Variants in CNTNAP2 observed in about 807,000 individuals in gnomAD.
CNTNAP2 encodes the protein contactin associated protein 2.
Under a neutral mutation model 155.2 loss-of-function variants are expected in CNTNAP2, and 98 were observed. That is an observed-to-expected ratio of 0.63 (90% CI 0.54 to 0.75). The LOEUF is 0.75. Among genes scored for constraint, CNTNAP2 ranks in the 30% least tolerant of loss-of-function variants. CNTNAP2 has a pLI of 0.00. For missense variants in CNTNAP2, 1,727 were observed against 1,688.1 expected (o/e 1.02, Z -0.40); for synonymous variants, 651 against 631.2 (o/e 1.03, Z -0.47).
At chr7:146,568,216 G>T (rs1798387767) in intron 1 of CNTNAP2, among the ~76,000 whole-genome samples, 1 of 152,128 alleles carries the variant, frequency 6.6e-6, no homozygotes, top group African/African-American at 2.4e-5. Flanking sequence ...ATGAAAGGCT[G>T]AAACCACACT....
At chr7:146,469,812 G>T (rs187033211) in intron 1 of CNTNAP2, among the ~76,000 whole-genome samples, 20 of 150,484 alleles carry the variant, frequency 1.3e-4, no homozygotes, top group Non-Finnish European at 2.2e-4. Flanking sequence ...TTACAGGCGT[G>T]AGCCACCAAC....
intron 1 of CNTNAP2, among the ~76,000 whole-genome samples, chr7:146,547,592 T>C (rs1798047651): frequency 6.6e-6 from 1 of 151,996 alleles, no homozygotes; most frequent in Non-Finnish European, 1.5e-5. Context: ...TGTCTTTCTG[T>C]GACTGGCTTA....
At chr7:146,994,870 CTCTT>C (rs1798278069) in intron 3 of CNTNAP2, among the ~76,000 whole-genome samples, 1 of 143,144 alleles carries the variant, frequency 7.0e-6, no homozygotes, top group South Asian at 2.3e-4. Flanking sequence ...AATATCAACT[CTCTT>C]TGTGTTTTTT....
rs1300930240 is a variant in CNTNAP2 at position 146,121,072 on chromosome 7, TCTAGACAAAAAC to T, written c.97+4100_97+4111del. The stretch of plus-strand genomic sequence containing the variant: ...TCACTGTTCCTTATTAGTAAATTCT[TCTAGACAAAAAC>T]TTACTCAAATGTCTTAAAGTTTACA... On this transcript the variant is annotated intron_variant, in intron 1 of 23. Coordinates refer to ENST00000361727, the MANE Select transcript of CNTNAP2 (RefSeq NM_014141.6). Among the ~76,000 whole-genome samples, 159 of 151,078 alleles carry T rather than the reference TCTAGACAAAAAC, an allele frequency of 1.1e-3. 2 individuals are homozygous for T. The highest frequency in any genetic ancestry group is 3.5e-3 in the Middle Eastern group (1 of 284).
intron 8 of CNTNAP2, among the ~76,000 whole-genome samples, chr7:147,201,721 G>A (rs1384586079): frequency 6.6e-6 from 1 of 152,166 alleles, no homozygotes; most frequent in African/African-American, 2.4e-5. Context: ...GATAGGGGCA[G>A]GGTGATAGAA....
intron 10 of CNTNAP2, among the ~76,000 whole-genome samples, chr7:147,405,406 G>A (rs1796988653): frequency 6.6e-6 from 1 of 152,070 alleles, no homozygotes; most frequent in African/African-American, 2.4e-5. Context: ...TCATTTAACT[G>A]CTCTCCCCTA....
chr7:146,460,871 A>G (rs559494144), intron 1 of CNTNAP2, among the ~76,000 whole-genome samples: 43 of 152,344 alleles, frequency 2.8e-4, no homozygotes, highest in African/African-American at 1.0e-3. Context: ...TTTCAGTTAC[A>G]TAAGATAAGT....
chr7:146,172,405 C>T (rs1798408071), intron 1 of CNTNAP2, among the ~76,000 whole-genome samples: 1 of 152,012 alleles, frequency 6.6e-6, no homozygotes, highest in African/African-American at 2.4e-5. Flanking sequence ...TCAATAGTAC[C>T]AAGGTTGAGA....
At chr7:148,289,977 T>C (rs144902751) in intron 21 of CNTNAP2, among the ~76,000 whole-genome samples, 2 of 152,288 alleles carry the variant, frequency 1.3e-5, no homozygotes, top group Admixed American at 1.3e-4. Context: ...TTAATAATAA[T>C]GGAAATTCAG....
intron 15 of CNTNAP2, among the ~76,000 whole-genome samples, chr7:148,066,173 C>A (rs945441587): frequency 1.3e-5 from 2 of 152,120 alleles, no homozygotes; most frequent in African/African-American, 4.8e-5. Context: ...GATAGGTTTT[C>A]CTTTACAGGT....
At chr7:147,862,784 C>G (rs1194801296) in intron 13 of CNTNAP2, among the ~76,000 whole-genome samples, 1 of 152,110 alleles carries the variant, frequency 6.6e-6, no homozygotes, top group Non-Finnish European at 1.5e-5. Flanking sequence ...GAGTATTCCT[C>G]AAACCACTGA....
Position 146,718,883 on chromosome 7 carries a change from A to C in CNTNAP2, c.98-55388A>C, listed in dbSNP as rs528401547. Among the ~76,000 whole-genome samples the C allele has an allele frequency of 1.6e-3, 237 of 152,234 alleles. No homozygotes were observed. In the South Asian group the frequency reaches 0.02, roughly 13 times the overall value. ...TCCTCTTCGTGTTCCTAATATGCCA[A>C]AGTTAAGCATGCAACCTCGGTCTTC... On this transcript the variant is annotated intron_variant, in intron 1 of 23. Transcript: ENST00000361727.
In CNTNAP2 at chr7:147,743,231, C is replaced by T. The variant is rs148561257; in HGVS notation, c.2098+103925C>T. 3.3e-3 allele frequency among the ~76,000 whole-genome samples: 497 copies of T among 152,244 alleles called. 6 individuals are homozygous for T. Among genetic ancestry groups the T allele is most frequent in the African/African-American group, 0.011 (467 of 41,544 alleles). On this transcript the variant is annotated intron_variant, in intron 13 of 23. Coordinates refer to ENST00000361727, the MANE Select transcript of CNTNAP2 (RefSeq NM_014141.6). Reference sequence around the variant, plus strand: ...TATGCGATGTCCACTATGATTGCATCGTAGTTACACTCCTGGGAAAACACA... The same window carrying T: ...TATGCGATGTCCACTATGATTGCATTGTAGTTACACTCCTGGGAAAACACA...
chr7:146,760,284 C>A (rs1430961913), intron 1 of CNTNAP2, among the ~76,000 whole-genome samples: 1 of 151,984 alleles, frequency 6.6e-6, no homozygotes, highest in Non-Finnish European at 1.5e-5. Context: ...ATTCTTCTTC[C>A]TATTACTTCT....
chr7:147,724,407 G>C (rs890878745), intron 13 of CNTNAP2, among the ~76,000 whole-genome samples: 7 of 152,036 alleles, frequency 4.6e-5, no homozygotes, highest in African/African-American at 1.7e-4. Flanking sequence ...ACAGCTGATT[G>C]TTAAAGGAAA....
intron 13 of CNTNAP2, among the ~76,000 whole-genome samples, chr7:147,738,653 TTTTTTTTTA>T (rs1276201175): frequency 7.1e-5 from 4 of 56,014 alleles, no homozygotes; most frequent in African/African-American, 2.7e-4. Flanking sequence ...AACATAACTT[TTTTTTTTTA>T]TTTTTTTTTT....
intron 2 of CNTNAP2, among the ~76,000 whole-genome samples, chr7:146,795,820 T>C (rs568865997): frequency 6.6e-6 from 1 of 152,326 alleles, no homozygotes; most frequent in South Asian, 2.1e-4. Context: ...TGCCTGCTCA[T>C]GTTTATGGGA....
chr7:147,781,894 G>A (rs1162901167), intron 13 of CNTNAP2, among the ~76,000 whole-genome samples: 1 of 152,012 alleles, frequency 6.6e-6, no homozygotes, highest in Non-Finnish European at 1.5e-5. Flanking sequence ...GTGGCGGCGG[G>A]CGCCTGTAGT....
chr7:146,196,221 C>T (rs963777629), intron 1 of CNTNAP2, among the ~76,000 whole-genome samples: 1 of 152,170 alleles, frequency 6.6e-6, no homozygotes, highest in Non-Finnish European at 1.5e-5. Context: ...ATCACCCACA[C>T]TTTTCAATGA....
Sources: allele counts gnomAD v4.1 joint callset (sites outside exome capture counted in the v4.1 genomes callset), GRCh38; gene constraint gnomAD v4.1.1; transcripts MANE v1.5; gene names NCBI Gene and HGNC (gene_info 2026-07-23, HGNC 2026-07-21).